The following FBLN1 variants were observed in gnomAD, a reference collection of about 807,000 sequenced individuals.
FBLN1 encodes the protein fibulin-1.
FBLN1 carries 34 observed loss-of-function variants against 89.7 expected under a neutral mutation model. The observed-to-expected ratio is 0.38, with a 90% CI of 0.29 to 0.50. The LOEUF (loss-of-function observed/expected upper bound fraction) is 0.50, where lower values mean the gene tolerates loss of function less well. FBLN1 is among the 20% of genes least tolerant of loss of function. The pLI, the probability that FBLN1 is intolerant of heterozygous loss-of-function variation, is 0.92. For synonymous variants in FBLN1, 393 were observed against 391.3 expected (o/e 1.00, Z -0.05); for missense variants, 777 against 988.1 (o/e 0.79, Z 2.86).
chr22:45,576,198 C>T lies in FBLN1; in HGVS notation c.1841-779C>T, dbSNP rs1264899005. On this transcript the variant is annotated intron_variant, in intron 15 of 16. Coordinates refer to ENST00000327858, the MANE Select transcript of FBLN1 (RefSeq NM_006486.3). The surrounding 1 kb of genome is among the most constrained non-coding windows in gnomAD (Gnocchi z 5.2). ...AGAGAAAATAACTAACTGGTATTTGCCTTTTGCAAAATGATGGGGTTTCAC... is the reference window on the plus strand; with the variant it reads ...AGAGAAAATAACTAACTGGTATTTGTCTTTTGCAAAATGATGGGGTTTCAC... 6.6e-6 allele frequency among the ~76,000 whole-genome samples: 1 copy of T among 152,216 alleles called. No homozygotes were observed.
At position 45,529,221 on chromosome 22, in the gene FBLN1, G is replaced by A. The variant is rs558958678; in HGVS notation, c.484+1212G>A. ...GCCCTCTCCATCTGGAGCTGACGAT[G>A]TATGGGCGAGCAGCTGGGGGCCATC... is the stretch of plus-strand genomic sequence containing the variant. On this transcript the variant is annotated intron_variant, in intron 4 of 16. Transcript: ENST00000327858. Among the ~76,000 whole-genome samples the A allele has an allele frequency of 6.6e-5, 10 of 152,362 alleles. No homozygotes were observed. In the East Asian group the frequency reaches 7.7e-4, roughly 12 times the overall value.
intron 14 of FBLN1, among the ~76,000 whole-genome samples, chr22:45,553,580 G>T (rs1022956107): frequency 2.6e-5 from 4 of 152,230 alleles, no homozygotes; most frequent in African/African-American, 9.6e-5. Context: ...TTGAAGCCAG[G>T]ACTTACCAGG....
In FBLN1 at chr22:45,536,743, T is replaced by C. The variant is rs1042252350; in HGVS notation, c.922+1406T>C. On this transcript the variant is annotated intron_variant, in intron 8 of 16. Transcript: ENST00000327858. This position sits in a 1 kb window ranked among gnomAD's most constrained non-coding sequence, Gnocchi z 5.1. ...TCACGCCACTGTACTCCAGCCTGGG[T>C]GACAGAGTGAGACTCCATCTCAAAA... Among the ~76,000 whole-genome samples the C allele has an allele frequency of 7.3e-5, 11 of 151,210 alleles. No individual in the cohort carries two copies. Among genetic ancestry groups the C allele is most frequent in the Non-Finnish European group, 1.5e-4 (10 of 67,898 alleles).
At position 45,576,007 on chromosome 22, in the gene FBLN1, CACCAG is replaced by C. The variant is rs2088994020; in HGVS notation, c.1841-969_1841-965del. On this transcript the variant is annotated intron_variant, in intron 15 of 16. Coordinates refer to ENST00000327858, the MANE Select transcript of FBLN1 (RefSeq NM_006486.3). This position sits in a 1 kb window ranked among gnomAD's most constrained non-coding sequence, Gnocchi z 5.2. Reference sequence around the variant, plus strand: ...CATGCAACGGAGCCAGCCGCGAGGACACCAGTGTTTACACCATGACACAACCATGC... The same window carrying C: ...CATGCAACGGAGCCAGCCGCGAGGACTGTTTACACCATGACACAACCATGC... Among the ~76,000 whole-genome samples, 1 of 152,046 alleles carries C rather than the reference CACCAG, an allele frequency of 6.6e-6. No individual in the cohort carries two copies. Among genetic ancestry groups the C allele is most frequent in the Admixed American group, 6.5e-5 (1 of 15,274 alleles).
In FBLN1 at chr22:45,531,299, C is replaced by G. The variant is rs983451670; in HGVS notation, c.519C>G (p.Asp173Glu). Residue 173 changes from aspartate (D) to glutamate (E), a missense_variant, in exon 5 of 17, where the codon GAC becomes GAG. Transcript: ENST00000327858. This position sits in a 1 kb window ranked among gnomAD's most constrained non-coding sequence, Gnocchi z 4.9. ...TTGAGGTTGAGGAGGAACAAGAGGA[C>G]CCATATCTGAATGACCGCTGCCGAG... ...KIIEVEEEQE[D>E]PYLNDRCRGG... The G allele has an allele frequency of 1.9e-6, 3 of 1,613,888 alleles. No individual in the cohort carries two copies. In the South Asian group the frequency reaches 3.3e-5, roughly 18 times the overall value.
At chr22:45,506,350 G>A (rs745319846) in intron 1 of FBLN1, among the ~76,000 whole-genome samples, 12 of 152,236 alleles carry the variant, frequency 7.9e-5, no homozygotes, top group Admixed American at 6.5e-5. Flanking sequence ...TGCCAAACCC[G>A]TGTCAGGAAA....
chr22:45,545,610 G>C lies in FBLN1; in HGVS notation c.1322-1475G>C, dbSNP rs2088616278. Among the ~76,000 whole-genome samples, 1 of 152,176 alleles carries C rather than the reference G, an allele frequency of 6.6e-6. No homozygotes were observed. The highest frequency in any genetic ancestry group is 2.4e-5 in the African/African-American group (1 of 41,440). On this transcript the variant is annotated intron_variant, in intron 11 of 16. Coordinates refer to ENST00000327858, the MANE Select transcript of FBLN1 (RefSeq NM_006486.3). The surrounding 1 kb of genome is among the most constrained non-coding windows in gnomAD (Gnocchi z 5.9). Reference sequence around the variant, plus strand: ...ACCATTTGTTAGGGTCCTGCCCCGGGTGTGTAGCAAGAACTCGGTCCTGCA... The same window carrying C: ...ACCATTTGTTAGGGTCCTGCCCCGGCTGTGTAGCAAGAACTCGGTCCTGCA...
chr22:45,587,015 G>C (rs773193696), intron 16 of FBLN1, among the ~76,000 whole-genome samples: 1 of 152,152 alleles, frequency 6.6e-6, no homozygotes, highest in Non-Finnish European at 1.5e-5. Context: ...GGACTCCTGC[G>C]AGGCATGTGG....
chr22:45,542,565 A>C (rs2146982102), intron 10 of FBLN1, among the ~76,000 whole-genome samples: 1 of 152,324 alleles, frequency 6.6e-6, no homozygotes, highest in African/African-American at 2.4e-5. Context: ...CTGATGAGCC[A>C]GGTCTACACA....
At chr22:45,503,492 T>C in intron 1 of FBLN1, 2 of 153,418 alleles carry the variant, frequency 1.3e-5, no homozygotes, top group Middle Eastern at 6.6e-3. Context: ...CACCCCCAGG[T>C]AGGAGCTGTT....
At position 45,597,680 on chromosome 22, in the gene FBLN1, G is replaced by T. The variant is rs896421358; in HGVS notation, c.1973-2627G>T. Among the ~76,000 whole-genome samples the T allele has an allele frequency of 1.3e-5, 2 of 152,180 alleles. No homozygotes were observed. The highest frequency in any genetic ancestry group is 2.9e-5 in the Non-Finnish European group (2 of 68,038). On this transcript the variant is annotated intron_variant, in intron 16 of 16. Coordinates refer to ENST00000327858, the MANE Select transcript of FBLN1 (RefSeq NM_006486.3). This position sits in a 1 kb window ranked among gnomAD's most constrained non-coding sequence, Gnocchi z 4.2. ...GGGTGGTGACAGGCGCACGTCTTTT[G>T]CCGGGAGCTGAAGACGTTCATGGGC...
rs2089059686 is a variant in FBLN1 at position 45,583,561 on chromosome 22, A to G, written c.1972+6453A>G. 6.6e-6 allele frequency among the ~76,000 whole-genome samples: 1 copy of G among 152,202 alleles called. No individual in the cohort carries two copies. Among genetic ancestry groups the G allele is most frequent in the East Asian group, 1.9e-4 (1 of 5,202 alleles). On this transcript the variant is annotated intron_variant, in intron 16 of 16. Transcript: ENST00000327858. The surrounding 1 kb of genome is among the most constrained non-coding windows in gnomAD (Gnocchi z 4.5). ...CTGATGGAAACCTAAATGTTCTGTA[A>G]ATATCAGTTCTTCCTAATTTCGCCT... is the stretch of plus-strand genomic sequence containing the variant.
Position 45,574,777 on chromosome 22 carries a change from CTTTT to C in FBLN1, c.1840+143_1840+146del, listed in dbSNP as rs756869112. 4.3e-3 allele frequency: 1,919 copies of C among 446,594 alleles called. No individual in the cohort carries two copies. Among genetic ancestry groups the C allele is most frequent in the Middle Eastern group, 6.7e-3 (10 of 1,482 alleles). The allele number at this position is 446,594 out of a possible 1,614,324, so 27.7% of individuals were successfully genotyped here. A position where few individuals can be genotyped will look rare whatever the true frequency, so the allele number is the denominator to read the frequency against. On this transcript the variant is annotated intron_variant, in intron 15 of 16. Transcript: ENST00000327858. The surrounding 1 kb of genome is among the most constrained non-coding windows in gnomAD (Gnocchi z 4.1). ...CCCAGGCTTTGAAATGCAGAACTTTCTTTTTTTTTTTTTTTTTTTTTTGAGACGG... is the reference window on the plus strand; with the variant it reads ...CCCAGGCTTTGAAATGCAGAACTTTCTTTTTTTTTTTTTTTTTTGAGACGG...
intron 1 of FBLN1, among the ~76,000 whole-genome samples, chr22:45,515,106 G>A (rs2088151652): frequency 6.6e-6 from 1 of 152,222 alleles, no homozygotes; most frequent in South Asian, 2.1e-4. Context: ...TGAGGAGTGA[G>A]AGCCGGTGAA....
At chr22:45,586,157 T>C (rs1467653347) in intron 16 of FBLN1, among the ~76,000 whole-genome samples, 1 of 152,178 alleles carries the variant, frequency 6.6e-6, no homozygotes, top group East Asian at 1.9e-4. Flanking sequence ...GGACCTGCAG[T>C]AACGTGGACA....
In FBLN1 at chr22:45,583,225, C is replaced by T. The variant is rs1433969840; in HGVS notation, c.1972+6117C>T. On this transcript the variant is annotated intron_variant, in intron 16 of 16. Transcript: ENST00000327858. This position sits in a 1 kb window ranked among gnomAD's most constrained non-coding sequence, Gnocchi z 4.5. ...CAGCTCTCTGTTGTCCCCCAAGCCC[C>T]TCAGCCCCCCAGGCAGCTCTAAGGG... 1.3e-5 allele frequency among the ~76,000 whole-genome samples: 2 copies of T among 152,216 alleles called. No individual in the cohort carries two copies. Among genetic ancestry groups the T allele is most frequent in the Non-Finnish European group, 2.9e-5 (2 of 68,026 alleles).
rs1033441384 is a variant in FBLN1, at chr22:45,577,532, T to C, written c.1972+424T>C. 6.6e-6 allele frequency among the ~76,000 whole-genome samples: 1 copy of C among 152,238 alleles called. No individual in the cohort carries two copies. Among genetic ancestry groups the C allele is most frequent in the East Asian group, 1.9e-4 (1 of 5,184 alleles). On this transcript the variant is annotated intron_variant, in intron 16 of 16. Coordinates refer to ENST00000327858, the MANE Select transcript of FBLN1 (RefSeq NM_006486.3). The surrounding 1 kb of genome is among the most constrained non-coding windows in gnomAD (Gnocchi z 6.6). ...GGGTGCAATGGGAGGGATAGCAAAG[T>C]AGGAATCAGAGGGCCTGAGCTCTGG...
At chr22:45,546,029 TCC>T (rs2088622013) in intron 11 of FBLN1, among the ~76,000 whole-genome samples, 1 of 151,928 alleles carries the variant, frequency 6.6e-6, no homozygotes, top group South Asian at 2.1e-4. Context: ...ACACCTGTAA[TCC>T]CCCAGCTACT....
chr22:45,528,761 G>A (rs910528103), intron 4 of FBLN1, among the ~76,000 whole-genome samples: 1 of 152,136 alleles, frequency 6.6e-6, no homozygotes, highest in Admixed American at 6.5e-5. Context: ...CAGGTAACAC[G>A]TGCATCCGTG....
Sources: allele counts gnomAD v4.1 joint callset (sites outside exome capture counted in the v4.1 genomes callset), GRCh38; gene constraint gnomAD v4.1.1; non-coding constraint Gnocchi (gnomAD v3.1); transcripts MANE v1.5; gene names NCBI Gene and HGNC (gene_info 2026-07-23, HGNC 2026-07-21).